Variants in CCDC138 observed in about 807,000 individuals in gnomAD.
The protein encoded by CCDC138 is coiled-coil domain containing 138, also known as coiled-coil domain-containing protein 138.
In CCDC138, 66 loss-of-function variants were observed where a neutral mutation model predicts 82.3. The observed-to-expected ratio is 0.80, with a 90% CI of 0.66 to 0.98. CCDC138 has a LOEUF of 0.98. Among genes scored for constraint, CCDC138 ranks in the 50% least tolerant of loss-of-function variants. The pLI is 0.00. For missense variants in CCDC138, 816 were observed against 758.9 expected, an observed-to-expected ratio of 1.08 and a Z score of -0.88; for synonymous variants, 297 against 265.4, an observed-to-expected ratio of 1.12 and a Z score of -1.16.
intron 13 of CCDC138, among the ~76,000 whole-genome samples, chr2:108,857,327 C>G (rs1325332026): frequency 1.3e-5 from 2 of 152,034 alleles, no homozygotes; most frequent in African/African-American, 4.8e-5. Flanking sequence ...CCTCGGCCTC[C>G]CAAAGCACTG....
At chr2:108,798,681 C>T in intron 6 of CCDC138, 95 bp downstream of exon 6, 1 of 860,966 alleles carries the variant, frequency 1.2e-6, no homozygotes, top group Middle Eastern at 3.7e-4. Context: ...GCTTATTTCT[C>T]CTTCCCTTCC....
At chr2:108,850,875 T>A (rs1691362624) in intron 12 of CCDC138, among the ~76,000 whole-genome samples, 1 of 151,460 alleles carries the variant, frequency 6.6e-6, no homozygotes, top group Admixed American at 6.6e-5. Context: ...TGTGTGGAGG[T>A]TTTTCCCCAC....
At chr2:108,807,688 G>A (rs755674798) in intron 7 of CCDC138, among the ~76,000 whole-genome samples, 9 of 152,064 alleles carry the variant, frequency 5.9e-5, no homozygotes, top group Non-Finnish European at 1.2e-4. Flanking sequence ...CATGATCTCG[G>A]CTCACTGCAA....
Position 108,798,465 on chromosome 2 carries a change from T to C in CCDC138, c.614T>C (p.Leu205Pro), listed in dbSNP as rs1681275890. The change falls in exon 6 of 15, where the codon CTT (leucine) becomes CCT (proline). Residue 205 changes from leucine to proline, a missense_variant. Transcript: ENST00000295124. ...TAAQQKFAEE[L>P]QKRERFLLER... ...GCACAACAGAAATTTGCTGAAGAAC[T>C]TCAAAAGCGAGAACGTTTTTTACTT... 1.2e-6 allele frequency: 2 copies of C among 1,613,652 alleles called. No individual in the cohort carries two copies. The highest frequency in any genetic ancestry group is 1.3e-5 in the African/African-American group (1 of 74,904).
At chr2:108,881,728 A>G (rs966547275) in intron 1 of CCDC138, among the ~76,000 whole-genome samples, 41 of 152,210 alleles carry the variant, frequency 2.7e-4, no homozygotes, top group African/African-American at 9.9e-4. Context: ...AGATCCAAGG[A>G]GAGGGAGAGA....
chr2:108,850,599 G>A (rs915292535), intron 12 of CCDC138, among the ~76,000 whole-genome samples: 1 of 151,776 alleles, frequency 6.6e-6, no homozygotes, highest in Non-Finnish European at 1.5e-5. Flanking sequence ...TTACAGGCAC[G>A]CACCACCACA....
At chr2:108,832,990 A>T (rs911979453) in intron 10 of CCDC138, among the ~76,000 whole-genome samples, 2 of 152,218 alleles carry the variant, frequency 1.3e-5, no homozygotes, top group African/African-American at 4.8e-5. Context: ...CCTTAAATGC[A>T]CATTGCTCAG....
chr2:108,787,369 C>A (rs1679038675), intron 1 of CCDC138, among the ~76,000 whole-genome samples: 1 of 152,328 alleles, frequency 6.6e-6, no homozygotes, highest in East Asian at 1.9e-4. Flanking sequence ...TCTCCCCTTC[C>A]CTCCCTACAA....
chr2:108,793,920 A>G (rs1405143334), intron 4 of CCDC138, among the ~76,000 whole-genome samples: 1 of 152,016 alleles, frequency 6.6e-6, no homozygotes, highest in African/African-American at 2.4e-5. Context: ...GAAACTCTTA[A>G]ACTTGTACAC....
At position 108,786,778 on chromosome 2, in the gene CCDC138, T is replaced by A; in HGVS notation, c.-45T>A. On this transcript the variant is annotated 5_prime_UTR_variant, in exon 1 of 15. Coordinates refer to ENST00000295124, the MANE Select transcript of CCDC138 (RefSeq NM_144978.3). Reference sequence around the variant, plus strand: ...CTGCGGCCGCGTAGCGCCGCGGGTTTGATGAACGCGGTTCCCGGGGAGACT... The same window carrying A: ...CTGCGGCCGCGTAGCGCCGCGGGTTAGATGAACGCGGTTCCCGGGGAGACT... The A allele has an allele frequency of 1.3e-6, 2 of 1,526,978 alleles. No individual in the cohort carries two copies. Among genetic ancestry groups the A allele is most frequent in the Non-Finnish European group, 1.8e-6 (2 of 1,121,404 alleles). The allele number at this position is 1,526,978 out of a possible 1,614,324, so 94.6% of individuals were successfully genotyped here.
chr2:108,806,590 C>T (rs1377023726), intron 7 of CCDC138, among the ~76,000 whole-genome samples: 1 of 152,142 alleles, frequency 6.6e-6, no homozygotes, highest in Non-Finnish European at 1.5e-5. Flanking sequence ...AGTGACCCAG[C>T]TCTGCCATCG....
rs892964523 is a variant in CCDC138, at chr2:108,812,611, T to G, written c.856-20T>G. The G allele has an allele frequency of 6.3e-7, 1 of 1,587,898 alleles. No homozygotes were observed. Among genetic ancestry groups the G allele is most frequent in the African/African-American group, 1.3e-5 (1 of 74,500 alleles). ...AGTTGAAGGTGTATATTGAAATATC[T>G]AACTTTTTCTACCCTTTAGTTAAAT... On this transcript the variant is annotated intron_variant, in intron 7 of 14. Transcript: ENST00000295124.
chr2:108,873,921 T>A (rs918624178), intron 14 of CCDC138, among the ~76,000 whole-genome samples: 1 of 152,074 alleles, frequency 6.6e-6, no homozygotes, highest in African/African-American at 2.4e-5. Context: ...TAAAAAAAAA[T>A]TTCCATTATA....
intron 13 of CCDC138, among the ~76,000 whole-genome samples, chr2:108,866,078 A>G (rs1171829699): frequency 6.6e-6 from 1 of 152,176 alleles, no homozygotes; most frequent in South Asian, 2.1e-4. Flanking sequence ...ACTGGCTTTG[A>G]TGTGACTGGT....
intron 3 of CCDC138, 24 bp downstream of exon 3, chr2:108,788,990 G>T (rs1475521662): frequency 6.2e-7 from 1 of 1,612,222 alleles, no homozygotes; most frequent in South Asian, 1.1e-5. Flanking sequence ...AAACTTTACT[G>T]TTGCTACCCC....
At chr2:108,788,525 A>G (rs1679331588) in intron 2 of CCDC138, among the ~76,000 whole-genome samples, 2 of 151,666 alleles carry the variant, frequency 1.3e-5, no homozygotes, top group African/African-American at 2.4e-5. Flanking sequence ...AGACCATCCT[A>G]GCTAACACGG....
At chr2:108,862,340 T>C (rs1466694088) in intron 13 of CCDC138, among the ~76,000 whole-genome samples, 1 of 152,166 alleles carries the variant, frequency 6.6e-6, no homozygotes, top group Admixed American at 6.5e-5. Flanking sequence ...TTTACAGTGC[T>C]CTAGGGAATG....
chr2:108,833,879 T>C (rs1052717759), intron 10 of CCDC138, among the ~76,000 whole-genome samples: 1 of 145,120 alleles, frequency 6.9e-6, no homozygotes, highest in South Asian at 2.2e-4. Context: ...AGGCGCCCGC[T>C]ACCACGCCCG....
At chr2:108,791,883 C>T (rs1679970271) in intron 4 of CCDC138, 81 bp downstream of exon 4, 4 of 1,337,976 alleles carry the variant, frequency 3.0e-6, no homozygotes, top group Admixed American at 2.5e-5. Context: ...CTAGTAATAA[C>T]ACTGGCCCCC....
Sources: gnomAD v4.1 joint callset for allele counts (sites outside exome capture counted in the v4.1 genomes callset) on GRCh38, gnomAD v4.1.1 for gene constraint, MANE v1.5 for transcripts, NCBI Gene and HGNC (gene_info 2026-07-23, HGNC 2026-07-21) for gene names.